Variants in FSTL4 observed in about 807,000 individuals in gnomAD.
FSTL4 encodes the protein follistatin-related protein 4.
Under a neutral mutation model 78.2 loss-of-function variants are expected in FSTL4, and 28 were observed. The ratio of observed to expected loss-of-function variants is 0.36; its 90% CI spans 0.27 to 0.49. The LOEUF (loss-of-function observed/expected upper bound fraction) is 0.49. Ranked by LOEUF, FSTL4 falls within the 20% of genes least tolerant of loss-of-function variation. The probability of loss-of-function intolerance (pLI) is 0.98; values close to 1 mark genes in which losing one functional copy is unlikely to be tolerated. For missense variants in FSTL4, 922 were observed against 1,084.9 expected (o/e 0.85, Z 2.11); for synonymous variants, 422 against 440.5 (o/e 0.96, Z 0.53).
intron 3 of FSTL4, among the ~76,000 whole-genome samples, chr5:133,476,476 A>C (rs1757927085): frequency 6.6e-6 from 1 of 152,204 alleles, no homozygotes; most frequent in South Asian, 2.1e-4. Flanking sequence ...TAAGACTGAG[A>C]ACAAAGTTTG....
chr5:133,654,333 T>C, the FSTL4 span, among the ~76,000 whole-genome samples: 4 of 152,230 alleles, frequency 2.6e-5, no homozygotes, highest in Non-Finnish European at 5.9e-5. Flanking sequence ...TTTGCTCTTT[T>C]TACTATCTGA....
At chr5:133,664,052 A>G in the FSTL4 span, among the ~76,000 whole-genome samples, 1 of 151,478 alleles carries the variant, frequency 6.6e-6, no homozygotes, top group East Asian at 1.9e-4. Context: ...GGGCACGCTG[A>G]TTATCTGCAG....
chr5:133,315,889 T>G (rs1753892122), intron 5 of FSTL4, among the ~76,000 whole-genome samples: 1 of 152,218 alleles, frequency 6.6e-6, no homozygotes, highest in Non-Finnish European at 1.5e-5. Context: ...TGCTCCACCT[T>G]GTAGCTCGAC....
Position 133,377,621 on chromosome 5 carries a change from C to CA in FSTL4, c.409+23116dup, listed in dbSNP as rs760664947. On this transcript the variant is annotated intron_variant, in intron 4 of 15. Coordinates refer to ENST00000265342, the MANE Select transcript of FSTL4 (RefSeq NM_015082.2). ...TAGTTTACTAGGGAAGAAAATGAAC[C>CA]AAAAAAAAAAAATGAACAAAGCCTC... Among the ~76,000 whole-genome samples the CA allele has an allele frequency of 4.0e-3, 551 of 137,514 alleles. 3 individuals are homozygous for CA. The highest frequency in any genetic ancestry group is 0.011 in the African/African-American group (422 of 37,602). 90.2% of individuals were successfully genotyped at this position (137,514 alleles called of 152,430 possible).
chr5:133,330,958 C>T (rs1372632531), intron 4 of FSTL4, among the ~76,000 whole-genome samples: 3 of 152,120 alleles, frequency 2.0e-5, no homozygotes, highest in South Asian at 2.1e-4. Flanking sequence ...CACACGTGCA[C>T]CTGTGTGCAA....
chr5:133,430,706 T>C (rs944128021), intron 3 of FSTL4, among the ~76,000 whole-genome samples: 4 of 152,222 alleles, frequency 2.6e-5, no homozygotes, highest in South Asian at 2.1e-4. Context: ...CTTCCTCAAA[T>C]TCCTGATGTA....
chr5:133,563,623 C>A (rs2112940455), intron 3 of FSTL4, among the ~76,000 whole-genome samples: 1 of 152,368 alleles, frequency 6.6e-6, no homozygotes, highest in Admixed American at 6.5e-5. Context: ...GCCCATGGAG[C>A]ACAGTCTGGT....
chr5:133,673,581 A>G, the FSTL4 span, among the ~76,000 whole-genome samples: 4 of 152,220 alleles, frequency 2.6e-5, no homozygotes, highest in African/African-American at 9.6e-5. Flanking sequence ...CCTGCCAACC[A>G]TTGTGGATTC....
intron 4 of FSTL4, among the ~76,000 whole-genome samples, chr5:133,337,033 G>A (rs944476242): frequency 6.6e-6 from 1 of 152,190 alleles, no homozygotes; most frequent in African/African-American, 2.4e-5. Flanking sequence ...CCCCTGTCTC[G>A]GGAACGGGAC....
intron 3 of FSTL4, among the ~76,000 whole-genome samples, chr5:133,536,376 G>A (rs1011250620): frequency 6.6e-6 from 1 of 151,916 alleles, no homozygotes; most frequent in African/African-American, 2.4e-5. Flanking sequence ...ACAGCATATT[G>A]TGAACAACTT....
chr5:133,457,160 TATAATTTCAATTC>T (rs1757508906), intron 3 of FSTL4, among the ~76,000 whole-genome samples: 1 of 151,316 alleles, frequency 6.6e-6, no homozygotes, highest in South Asian at 2.1e-4. Flanking sequence ...GAGAAGGAAA[TATAATTTCAATTC>T]ATTCATGATT....
At chr5:133,702,557 C>T in the FSTL4 span, among the ~76,000 whole-genome samples, 1 of 152,182 alleles carries the variant, frequency 6.6e-6, no homozygotes, top group Non-Finnish European at 1.5e-5. Context: ...GGCAGGAATA[C>T]AGGGCCCATC....
intron 4 of FSTL4, among the ~76,000 whole-genome samples, chr5:133,335,557 G>A (rs1754445542): frequency 6.6e-6 from 1 of 151,902 alleles, no homozygotes; most frequent in Admixed American, 6.5e-5. Context: ...TCCAGGCCTT[G>A]CATGGTTGGC....
At chr5:133,565,706 A>T (rs1186651003) in intron 3 of FSTL4, among the ~76,000 whole-genome samples, 5 of 152,138 alleles carry the variant, frequency 3.3e-5, no homozygotes, top group Admixed American at 1.3e-4. Flanking sequence ...GTTCACTCAG[A>T]CCTTTTTCAT....
intron 3 of FSTL4, among the ~76,000 whole-genome samples, chr5:133,490,449 C>T (rs557532791): frequency 1.3e-5 from 2 of 151,584 alleles, no homozygotes; most frequent in East Asian, 3.9e-4. Flanking sequence ...TTAAGGCACG[C>T]TCTTTTCTTT....
the FSTL4 span, among the ~76,000 whole-genome samples, chr5:133,647,260 C>A: frequency 1.3e-5 from 2 of 152,092 alleles, no homozygotes; most frequent in East Asian, 3.9e-4. Flanking sequence ...AACAACCCAC[C>A]CCTTACCAAA....
At chr5:133,203,220 A>G (rs1750385480) in intron 14 of FSTL4, among the ~76,000 whole-genome samples, 1 of 152,130 alleles carries the variant, frequency 6.6e-6, no homozygotes, top group African/African-American at 2.4e-5. Context: ...CGGGAATGTG[A>G]GACACTTTTT....
intron 11 of FSTL4, among the ~76,000 whole-genome samples, chr5:133,221,269 C>G (rs112985442): frequency 0.029 from 4,466 of 152,238 alleles, 222 homozygotes; most frequent in African/African-American, 0.1. Flanking sequence ...CTTTCATTTG[C>G]TTTTTTAAAC....
At chr5:133,508,574 G>A (rs952759115) in intron 3 of FSTL4, among the ~76,000 whole-genome samples, 1 of 152,196 alleles carries the variant, frequency 6.6e-6, no homozygotes, top group Non-Finnish European at 1.5e-5. Context: ...CTGTACATGC[G>A]GTCTGTTGTC....
Sources: allele counts gnomAD v4.1 joint callset (sites outside exome capture counted in the v4.1 genomes callset), GRCh38; gene constraint gnomAD v4.1.1; transcripts MANE v1.5; gene names NCBI Gene and HGNC (gene_info 2026-07-23, HGNC 2026-07-21).